The following SFXN5 variants were observed in gnomAD, a reference collection of about 807,000 sequenced individuals.
SFXN5 encodes sideroflexin 5.
Under a neutral mutation model 50.2 loss-of-function variants are expected in SFXN5, and 43 were observed. The ratio of observed to expected loss-of-function variants is 0.86; its 90% CI spans 0.67 to 1.11. The LOEUF is 1.11. SFXN5 is among the 50% of genes least tolerant of loss of function. The probability of loss-of-function intolerance (pLI) is 0.00; values close to 1 mark genes in which losing one functional copy is unlikely to be tolerated. For synonymous variants in SFXN5, 203 were observed against 185.8 expected, an observed-to-expected ratio of 1.09 and a Z score of -0.75; for missense variants, 463 against 454.1, an observed-to-expected ratio of 1.02 and a Z score of -0.18.
intron 3 of SFXN5, among the ~76,000 whole-genome samples, chr2:73,025,607 C>T (rs151060379): frequency 6.6e-6 from 1 of 152,068 alleles, no homozygotes; most frequent in Non-Finnish European, 1.5e-5. Context: ...AGGAAGGGGA[C>T]GTGACAGCAG....
rs545640310 is a variant in SFXN5 at position 72,973,322 on chromosome 2, C to T, written c.626-1637G>A. On this transcript the variant is annotated intron_variant, in intron 10 of 13. Coordinates refer to ENST00000272433, the MANE Select transcript of SFXN5 (RefSeq NM_144579.3). The surrounding 1 kb of genome is among the most constrained non-coding windows in gnomAD (Gnocchi z 5.5). Reference sequence around the variant, plus strand: ...GCCCCACAACAGGCATGCTCACCTGCCCTAAACAGCCGCTCTCTGCCAGGG... The same window carrying T: ...GCCCCACAACAGGCATGCTCACCTGTCCTAAACAGCCGCTCTCTGCCAGGG... The T allele has an allele frequency of 4.1e-5, 7 of 169,200 alleles. No individual in the cohort carries two copies. The highest frequency in any genetic ancestry group is 1.7e-4 in the African/African-American group (7 of 41,644). The allele number at this position is 169,200 out of a possible 1,614,324, so 10.5% of individuals were successfully genotyped here.
chr2:72,944,907 G>C lies in SFXN5; in HGVS notation c.*115C>G. ...TGTAGGTTGAGCACTCTCCCAGGGG[G>C]CCCAGGACTGCTGGGGTTGGCGTGC... On this transcript the variant is annotated 3_prime_UTR_variant, in exon 14 of 14. Coordinates refer to ENST00000272433, the MANE Select transcript of SFXN5 (RefSeq NM_144579.3). The C allele has an allele frequency of 1.1e-6, 1 of 882,558 alleles. No individual in the cohort carries two copies. Among genetic ancestry groups the C allele is most frequent in the Admixed American group, 2.3e-5 (1 of 44,152 alleles). The allele number at this position is 882,558 out of a possible 1,614,324, so 54.7% of individuals were successfully genotyped here.
intron 10 of SFXN5, among the ~76,000 whole-genome samples, chr2:72,984,916 G>T (rs1203936966): frequency 6.6e-6 from 1 of 152,164 alleles, no homozygotes; most frequent in African/African-American, 2.4e-5. Flanking sequence ...GCCTGCAGAG[G>T]AGCTGGCAGA....
intron 2 of SFXN5, among the ~76,000 whole-genome samples, chr2:73,056,844 A>G (rs1019771356): frequency 1.3e-5 from 2 of 152,254 alleles, no homozygotes; most frequent in African/African-American, 2.4e-5. Flanking sequence ...TGTAAAATGT[A>G]CAACGCTTTG....
chr2:72,962,382 G>A (rs986904467), intron 12 of SFXN5, among the ~76,000 whole-genome samples: 2 of 152,242 alleles, frequency 1.3e-5, no homozygotes, highest in Non-Finnish European at 2.9e-5. Flanking sequence ...GTCACCTCTT[G>A]AGACAAGAAT....
intron 12 of SFXN5, 113 bp downstream of exon 12, chr2:72,968,335 A>G: frequency 1.1e-6 from 1 of 888,508 alleles, no homozygotes; most frequent in Non-Finnish European, 1.8e-6. Flanking sequence ...CTCTACACAA[A>G]CTGGGGTGGG....
intron 2 of SFXN5, among the ~76,000 whole-genome samples, chr2:73,046,265 C>T (rs1334428016): frequency 6.6e-6 from 1 of 151,810 alleles, no homozygotes; most frequent in East Asian, 1.9e-4. Context: ...AAAACTTAGC[C>T]GGGCATGGTG....
At chr2:73,002,668 A>G (rs1303716471) in intron 6 of SFXN5, among the ~76,000 whole-genome samples, 1 of 150,492 alleles carries the variant, frequency 6.6e-6, no homozygotes, top group African/African-American at 2.5e-5. Context: ...AAATGTTTTA[A>G]AACAGCTAAC....
intron 3 of SFXN5, among the ~76,000 whole-genome samples, chr2:73,039,298 T>C (rs6755318): frequency 0.94 from 142,790 of 152,278 alleles, 67,059 homozygotes; most frequent in East Asian, 0.99. Context: ...TTATGTGGTG[T>C]ATGACTGTAT....
intron 3 of SFXN5, among the ~76,000 whole-genome samples, chr2:73,029,428 A>AG (rs1246343285): frequency 5.3e-5 from 8 of 149,790 alleles, no homozygotes; most frequent in African/African-American, 1.5e-4. Flanking sequence ...TCAAATGAGC[A>AG]GTTTTTTTTT....
chr2:73,022,242 T>C (rs563076184), intron 5 of SFXN5, among the ~76,000 whole-genome samples: 1 of 152,100 alleles, frequency 6.6e-6, no homozygotes, highest in Non-Finnish European at 1.5e-5. Context: ...CGCTGAGTGA[T>C]GTGGAGTGGG....
Position 73,023,040 on chromosome 2 carries a change from G to A in SFXN5, c.276+148C>T, listed in dbSNP as rs1423791489. On this transcript the variant is annotated intron_variant, in intron 4 of 13. Coordinates refer to ENST00000272433, the MANE Select transcript of SFXN5 (RefSeq NM_144579.3). ...CAGAGACTCTGGCCCTTGAGTGTCG[G>A]GGCAGAAGGAAGGGGTGAGGGGGCC... The A allele has an allele frequency of 4.1e-5, 29 of 701,826 alleles. No homozygotes were observed. The Admixed American group carries it at 8.4e-4, about 20-fold the overall frequency. 43.5% of individuals were successfully genotyped at this position (701,826 alleles called of 1,614,324 possible).
intron 10 of SFXN5, chr2:72,981,137 T>G (rs777977545): frequency 3.9e-5 from 6 of 152,166 alleles, no homozygotes; most frequent in African/African-American, 7.2e-5. Flanking sequence ...GGCAGCTCAT[T>G]CCAATAACAG....
chr2:73,048,119 C>T (rs1426732193), intron 2 of SFXN5, among the ~76,000 whole-genome samples: 2 of 152,250 alleles, frequency 1.3e-5, no homozygotes, highest in Non-Finnish European at 1.5e-5. Flanking sequence ...CCATGTATGA[C>T]ATCTATGTAT....
intron 2 of SFXN5, among the ~76,000 whole-genome samples, chr2:73,051,282 G>A (rs867180750): frequency 9.9e-4 from 96 of 96,650 alleles, no homozygotes; most frequent in South Asian, 4.0e-3. Flanking sequence ...TTTTTGAGAC[G>A]GAGTCTTACT....
chr2:73,053,020 T>C lies in SFXN5; in HGVS notation c.171+5508A>G, dbSNP rs1393279068. ...TGGCAAAACCCCGTCTCTACAAAAA[T>C]ACAAAAATTATCCGAGCATGGTGGC... is the stretch of plus-strand genomic sequence containing the variant. On this transcript the variant is annotated intron_variant, in intron 2 of 13. Transcript: ENST00000272433. Among the ~76,000 whole-genome samples, 3 of 152,080 alleles carry C rather than the reference T, an allele frequency of 2.0e-5. No individual in the cohort carries two copies. The East Asian group carries it at 5.8e-4, about 29-fold the overall frequency.
intron 2 of SFXN5, among the ~76,000 whole-genome samples, chr2:73,041,306 C>T (rs751849989): frequency 6.6e-5 from 10 of 152,172 alleles, no homozygotes; most frequent in Non-Finnish European, 1.3e-4. Context: ...AGGAGAACAA[C>T]CAAACTGGTG....
intron 10 of SFXN5, among the ~76,000 whole-genome samples, chr2:72,982,541 T>C (rs956842374): frequency 6.6e-6 from 1 of 152,174 alleles, no homozygotes; most frequent in African/African-American, 2.4e-5. Flanking sequence ...CCGAGGGGGC[T>C]GAGTGTGGTG....
At chr2:73,021,234 G>A (rs1676848138) in intron 5 of SFXN5, among the ~76,000 whole-genome samples, 1 of 152,140 alleles carries the variant, frequency 6.6e-6, no homozygotes, top group Non-Finnish European at 1.5e-5. Context: ...GCCCTTCCCA[G>A]CACTTTGGGA....
Sources: allele counts gnomAD v4.1 joint callset (sites outside exome capture counted in the v4.1 genomes callset), GRCh38; gene constraint gnomAD v4.1.1; non-coding constraint Gnocchi (gnomAD v3.1); transcripts MANE v1.5; gene names NCBI Gene and HGNC (gene_info 2026-07-23, HGNC 2026-07-21).